The following SUPT3H variants were observed in gnomAD, a reference collection of about 807,000 sequenced individuals.
SUPT3H encodes the protein SPT3 homolog, SAGA and STAGA complex component, also known as transcription initiation protein SPT3 homolog.
A neutral mutation model predicts 44.3 loss-of-function variants in SUPT3H; 44 were observed. The ratio of observed to expected loss-of-function variants is 0.99; its 90% CI spans 0.78 to 1.28. The LOEUF (loss-of-function observed/expected upper bound fraction) is 1.28. SUPT3H is among the 50% of genes most tolerant of loss of function. The probability of loss-of-function intolerance (pLI) is 0.00; values close to 1 mark genes in which losing one functional copy is unlikely to be tolerated. For missense variants in SUPT3H, 380 were observed against 387.1 expected (o/e 0.98, Z 0.15); for synonymous variants, 124 against 125.6 (o/e 0.99, Z 0.09).
intron 4 of SUPT3H, among the ~76,000 whole-genome samples, chr6:45,016,539 T>C (rs1038188320): frequency 1.6e-5 from 2 of 125,982 alleles, no homozygotes; most frequent in African/African-American, 6.1e-5. Flanking sequence ...TTCCCCTTAC[T>C]GTGTCCATGT....
intron 10 of SUPT3H, among the ~76,000 whole-genome samples, chr6:44,911,137 C>T (rs944198890): frequency 1.3e-5 from 2 of 150,972 alleles, no homozygotes; most frequent in African/African-American, 4.9e-5. Flanking sequence ...TTATCCATAT[C>T]AAGTAACTAT....
In SUPT3H at chr6:45,049,883, G is replaced by A. The variant is rs568069465; in HGVS notation, c.187-29251C>T. On this transcript the variant is annotated intron_variant, in intron 3 of 10. Coordinates refer to ENST00000371459, the MANE Select transcript of SUPT3H (RefSeq NM_003599.4). ...TGCATAATAGTTACATAATAATATG[G>A]AAAAATTCATGTTATGTATCCATCA... Among the ~76,000 whole-genome samples the A allele has an allele frequency of 6.6e-5, 10 of 152,014 alleles. No homozygotes were observed. In the East Asian group the frequency reaches 1.7e-3, roughly 26 times the overall value.
chr6:45,062,717 C>A (rs531647692), intron 3 of SUPT3H, among the ~76,000 whole-genome samples: 11 of 152,248 alleles, frequency 7.2e-5, no homozygotes, highest in African/African-American at 2.6e-4. Flanking sequence ...CCTGGAAAAT[C>A]GGGTCACTCC....
chr6:45,107,606 ATTAAT>A (rs1264334754), intron 2 of SUPT3H, among the ~76,000 whole-genome samples: 1 of 152,216 alleles, frequency 6.6e-6, no homozygotes, highest in African/African-American at 2.4e-5. Context: ...AAGGCCAAGC[ATTAAT>A]TTAAAGTGAT....
At chr6:45,215,053 A>G (rs1016366860) in intron 2 of SUPT3H, among the ~76,000 whole-genome samples, 2 of 152,172 alleles carry the variant, frequency 1.3e-5, no homozygotes, top group African/African-American at 4.8e-5. Context: ...CTGGGCCACA[A>G]AGCCAATCAC....
intron 10 of SUPT3H, among the ~76,000 whole-genome samples, chr6:44,894,398 T>C (rs1763790998): frequency 6.6e-6 from 1 of 152,214 alleles, no homozygotes; most frequent in Non-Finnish European, 1.5e-5. Flanking sequence ...TTGATTTTTG[T>C]ATAAGGTGTA....
intron 10 of SUPT3H, among the ~76,000 whole-genome samples, chr6:44,905,721 GTATGTT>G (rs1461733500): frequency 1.3e-5 from 2 of 152,200 alleles, no homozygotes; most frequent in Admixed American, 1.3e-4. Flanking sequence ...ACATGCACAT[GTATGTT>G]TATTGCGGCA....
intron 9 of SUPT3H, among the ~76,000 whole-genome samples, chr6:44,936,370 C>T (rs1343498600): frequency 6.6e-6 from 1 of 152,154 alleles, no homozygotes; most frequent in South Asian, 2.1e-4. Context: ...TAAATGTATG[C>T]AGTACAAGTG....
At chr6:44,822,006 C>T (rs59824332), downstream of SUPT3H, among the ~76,000 whole-genome samples, 108 of 152,194 alleles carry the variant, frequency 7.1e-4, no homozygotes, top group African/African-American at 2.6e-3. Context: ...TTCAGTATCA[C>T]GTTAAAGTGA....
intron 2 of SUPT3H, among the ~76,000 whole-genome samples, chr6:45,363,176 T>C (rs1379748890): frequency 6.6e-6 from 1 of 152,136 alleles, no homozygotes; most frequent in African/African-American, 2.4e-5. Context: ...GCACAGAGCA[T>C]GAAGGCTTCA....
intron 4 of SUPT3H, among the ~76,000 whole-genome samples, chr6:45,019,581 T>A (rs1408097585): frequency 6.6e-6 from 1 of 152,070 alleles, no homozygotes; most frequent in Non-Finnish European, 1.5e-5. Context: ...TTATCACTCG[T>A]TCTTGACCTT....
intron 2 of SUPT3H, among the ~76,000 whole-genome samples, chr6:45,143,651 C>G (rs1805592297): frequency 1.3e-5 from 2 of 151,884 alleles, no homozygotes; most frequent in Admixed American, 6.6e-5. Flanking sequence ...ACTGGAGAAA[C>G]AAGAACAAAC....
intron 2 of SUPT3H, among the ~76,000 whole-genome samples, chr6:45,204,178 T>C (rs1584238545): frequency 6.6e-6 from 1 of 150,678 alleles, no homozygotes; most frequent in African/African-American, 2.4e-5. Context: ...ACCCAGGAGG[T>C]GGAGGTTGCA....
At chr6:45,073,830 A>C (rs1794684789) in intron 3 of SUPT3H, among the ~76,000 whole-genome samples, 1 of 152,006 alleles carries the variant, frequency 6.6e-6, no homozygotes, top group South Asian at 2.1e-4. Context: ...AGGAGGAGGG[A>C]TACAGGATAG....
intron 2 of SUPT3H, among the ~76,000 whole-genome samples, chr6:45,298,714 T>C (rs917031222): frequency 2.0e-5 from 3 of 152,158 alleles, no homozygotes; most frequent in African/African-American, 7.2e-5. Context: ...GCCAATGTAA[T>C]TGTTACTTTT....
At chr6:45,149,838 T>C (rs1286283515) in intron 2 of SUPT3H, among the ~76,000 whole-genome samples, 1 of 152,174 alleles carries the variant, frequency 6.6e-6, no homozygotes, top group African/African-American at 2.4e-5. Flanking sequence ...AAATTTCCCA[T>C]CCTTATTCAG....
At chr6:44,972,278 C>T (rs905593465) in intron 6 of SUPT3H, among the ~76,000 whole-genome samples, 5 of 152,152 alleles carry the variant, frequency 3.3e-5, no homozygotes, top group Admixed American at 3.3e-4. Context: ...GAAGGGGTTA[C>T]AGGCCCCACA....
chr6:45,217,455 A>G (rs1431997416), intron 2 of SUPT3H, among the ~76,000 whole-genome samples: 1 of 152,064 alleles, frequency 6.6e-6, no homozygotes, highest in African/African-American at 2.4e-5. Context: ...AGCCTGGGCG[A>G]CAGAGCAAGA....
intron 2 of SUPT3H, among the ~76,000 whole-genome samples, chr6:45,354,860 T>G (rs1336779547): frequency 6.6e-6 from 1 of 152,166 alleles, no homozygotes; most frequent in African/African-American, 2.4e-5. Context: ...GTGATATATA[T>G]TAAGTAAAAA....
Sources: allele counts gnomAD v4.1 joint callset (sites outside exome capture counted in the v4.1 genomes callset), GRCh38; gene constraint gnomAD v4.1.1; transcripts MANE v1.5; gene names NCBI Gene and HGNC (gene_info 2026-07-23, HGNC 2026-07-21).